Variants in SIRPG observed in about 807,000 individuals in gnomAD.
The protein encoded by SIRPG is signal regulatory protein gamma, also known as signal-regulatory protein gamma.
Under a neutral mutation model 35.7 loss-of-function variants are expected in SIRPG, and 38 were observed. The ratio of observed to expected loss-of-function variants is 1.06; its 90% CI spans 0.82 to 1.40. SIRPG has a LOEUF of 1.40. Among genes scored for constraint, SIRPG ranks in the 40% most tolerant of loss-of-function variants. SIRPG has a pLI of 0.00. For synonymous variants in SIRPG, 215 were observed against 190.4 expected (o/e 1.13, Z -1.06); for missense variants, 519 against 483.0 (o/e 1.07, Z -0.70).
chr20:1,659,720 C>T (rs1335124920), upstream of SIRPG, among the ~76,000 whole-genome samples: 1 of 152,244 alleles, frequency 6.6e-6, no homozygotes, highest in Non-Finnish European at 1.5e-5. Context: ...CCACAGCCTT[C>T]ACTTTTAATG....
At chr20:1,668,150 TTTTTC>T in the SIRPG span, among the ~76,000 whole-genome samples, 58 of 113,206 alleles carry the variant, frequency 5.1e-4, no homozygotes, top group Middle Eastern at 4.4e-3. Flanking sequence ...TTCTTTTCTT[TTTTTC>T]TTTTCTTTTC....
chr20:1,648,732 C>G (rs374638884), intron 2 of SIRPG, among the ~76,000 whole-genome samples: 1 of 152,192 alleles, frequency 6.6e-6, no homozygotes, highest in Admixed American at 6.5e-5. Flanking sequence ...GTTCTGGCCC[C>G]GTACCTGGGC....
chr20:1,652,878 G>A (rs990036821), intron 1 of SIRPG, among the ~76,000 whole-genome samples: 5 of 152,178 alleles, frequency 3.3e-5, no homozygotes, highest in Non-Finnish European at 7.3e-5. Flanking sequence ...AGTACCCCAT[G>A]TTTTTATGTC....
intron 4 of SIRPG, among the ~76,000 whole-genome samples, chr20:1,634,607 GAAAC>G (rs1379130067): frequency 6.6e-6 from 1 of 152,178 alleles, no homozygotes; most frequent in Non-Finnish European, 1.5e-5. Flanking sequence ...GGATGAAACA[GAAAC>G]AAAGCAGAGG....
At chr20:1,652,250 G>C (rs1337570874) in intron 1 of SIRPG, among the ~76,000 whole-genome samples, 1 of 152,170 alleles carries the variant, frequency 6.6e-6, no homozygotes. Flanking sequence ...TTGTGGTCCA[G>C]ATCTAGGGGG....
chr20:1,683,744 G>A, the SIRPG span, among the ~76,000 whole-genome samples: 81,036 of 151,948 alleles, frequency 0.53, 21,856 homozygotes, highest in Admixed American at 0.59. Flanking sequence ...GAGGCAGGTG[G>A]ATCACCTGAG....
chr20:1,661,190 G>T (rs1014128648), upstream of SIRPG, among the ~76,000 whole-genome samples: 4 of 152,152 alleles, frequency 2.6e-5, no homozygotes, highest in African/African-American at 9.7e-5. Flanking sequence ...AAGAATTTAT[G>T]ATGCTGTGTG....
At chr20:1,658,123 T>G (rs185560709), upstream of SIRPG, among the ~76,000 whole-genome samples, 1 of 152,304 alleles carries the variant, frequency 6.6e-6, no homozygotes. Flanking sequence ...TGGCTTGTGG[T>G]CTTGTTCTGC....
Position 1,648,768 on chromosome 20 carries a change from C to T in SIRPG, c.430+284G>A, listed in dbSNP as rs139249638. ...AAGTCACTCAATCTGTCAGTTTCCT[C>T]ATTTGTGGAACCAAAGGGCTGGGCC... On this transcript the variant is annotated intron_variant, in intron 2 of 5. Coordinates refer to ENST00000303415, the MANE Select transcript of SIRPG (RefSeq NM_018556.4). Among the ~76,000 whole-genome samples, 356 of 152,318 alleles carry T rather than the reference C, an allele frequency of 2.3e-3. 2 individuals are homozygous for T. The highest frequency in any genetic ancestry group is 8.2e-3 in the African/African-American group (342 of 41,572).
the SIRPG span, among the ~76,000 whole-genome samples, chr20:1,684,285 T>C: frequency 6.6e-6 from 1 of 152,144 alleles, no homozygotes; most frequent in African/African-American, 2.4e-5. Context: ...TATATGCTTT[T>C]CTCAAACAAA....
chr20:1,669,259 A>G, the SIRPG span, among the ~76,000 whole-genome samples: 5 of 152,330 alleles, frequency 3.3e-5, no homozygotes, highest in East Asian at 9.6e-4. Flanking sequence ...CATCTTCAAC[A>G]ACATCCCAAC....
At chr20:1,668,189 T>C in the SIRPG span, among the ~76,000 whole-genome samples, 1 of 64,490 alleles carries the variant, frequency 1.6e-5, no homozygotes, top group African/African-American at 5.1e-5. Flanking sequence ...CTTTCTTTCT[T>C]TTTCTTTTCT....
chr20:1,680,438 C>T, the SIRPG span, among the ~76,000 whole-genome samples: 18 of 152,266 alleles, frequency 1.2e-4, no homozygotes, highest in South Asian at 8.3e-4. Flanking sequence ...TGATATGAAG[C>T]GCATTGGAAA....
chr20:1,658,569 C>G (rs1264411740), upstream of SIRPG, among the ~76,000 whole-genome samples: 1 of 152,150 alleles, frequency 6.6e-6, no homozygotes, highest in African/African-American at 2.4e-5. Context: ...AATCCATGCT[C>G]CTGCCAAGAG....
the SIRPG span, among the ~76,000 whole-genome samples, chr20:1,664,126 C>G: frequency 1.3e-5 from 2 of 152,166 alleles, no homozygotes; most frequent in Non-Finnish European, 2.9e-5. Context: ...CTTGTGAATA[C>G]TAATTGAGCA....
chr20:1,640,105 C>CT (rs1040804782), intron 2 of SIRPG, among the ~76,000 whole-genome samples: 11 of 151,582 alleles, frequency 7.3e-5, no homozygotes, highest in Admixed American at 4.6e-4. Context: ...GCTATACGGG[C>CT]TTTTTTTTGG....
the SIRPG span, chr20:1,676,997 G>C: frequency 3.9e-5 from 6 of 152,740 alleles, no homozygotes; most frequent in Admixed American, 2.0e-4. Flanking sequence ...AGCAGAGCTT[G>C]AGCTCAGCAC....
chr20:1,654,198 C>T lies in SIRPG; in HGVS notation c.73+3444G>A, dbSNP rs139119510. Among the ~76,000 whole-genome samples the T allele has an allele frequency of 6.6e-5, 10 of 150,414 alleles. No homozygotes were observed. The East Asian group carries it at 2.0e-3, about 29-fold the overall frequency. The stretch of plus-strand genomic sequence containing the variant: ...AGATTGCAGTGAGCTGAGATCACAC[C>T]ACTGCACTCCAGACTGGCGACAGAG... On this transcript the variant is annotated intron_variant, in intron 1 of 5. Transcript: ENST00000303415.
At chr20:1,685,864 G>A in the SIRPG span, among the ~76,000 whole-genome samples, 1 of 152,132 alleles carries the variant, frequency 6.6e-6, no homozygotes, top group Non-Finnish European at 1.5e-5. Flanking sequence ...AGAGGGCTGA[G>A]CCTGGAGCCA....
Sources: allele counts gnomAD v4.1 joint callset (sites outside exome capture counted in the v4.1 genomes callset), GRCh38; gene constraint gnomAD v4.1.1; transcripts MANE v1.5; gene names NCBI Gene and HGNC (gene_info 2026-07-23, HGNC 2026-07-21).